The following ZNF326 variants were observed in gnomAD, a reference collection of about 807,000 sequenced individuals.
The protein encoded by ZNF326 is DBIRD complex subunit ZNF326.
A neutral mutation model predicts 63.1 loss-of-function variants in ZNF326; 30 were observed. That is an observed-to-expected ratio of 0.48 (90% CI 0.36 to 0.64). ZNF326 has a LOEUF of 0.64. ZNF326 is among the 30% of genes least tolerant of loss of function. The pLI is 0.00. For missense variants in ZNF326, 609 were observed against 720.3 expected (o/e 0.85, Z 1.77); for synonymous variants, 194 against 228.2 (o/e 0.85, Z 1.35).
At chr1:90,016,592 C>T (rs542369311) in intron 7 of ZNF326, among the ~76,000 whole-genome samples, 49 of 151,890 alleles carry the variant, frequency 3.2e-4, no homozygotes, top group Non-Finnish European at 6.2e-4. Context: ...TGGCGCATGC[C>T]TGTAGTCCCA....
chr1:90,006,550 G>T (rs41288395), intron 4 of ZNF326: 102 of 864,466 alleles, frequency 1.2e-4, no homozygotes, highest in Non-Finnish European at 1.4e-4. Flanking sequence ...CCTTTTTTAG[G>T]GTAGTTTTAT....
chr1:90,010,870 C>A (rs111678763), intron 6 of ZNF326, among the ~76,000 whole-genome samples: 1 of 152,004 alleles, frequency 6.6e-6, no homozygotes, highest in Non-Finnish European at 1.5e-5. Context: ...TCTCATCAGG[C>A]CTTATTGTTT....
chr1:90,016,801 G>A (rs2101079657), intron 7 of ZNF326, among the ~76,000 whole-genome samples: 1 of 152,214 alleles, frequency 6.6e-6, no homozygotes, highest in East Asian at 1.9e-4. Context: ...GCTTACAGAT[G>A]TATGCATTTG....
intron 6 of ZNF326, among the ~76,000 whole-genome samples, chr1:90,010,545 A>G (rs1011661618): frequency 8.5e-5 from 13 of 152,072 alleles, no homozygotes; most frequent in African/African-American, 9.7e-5. Flanking sequence ...AGCTGAGAAA[A>G]CAGGCACAGA....
rs1340312083 is a variant in ZNF326, at chr1:90,027,537, A to T, written c.1585A>T (p.Ile529Leu). ...AGTAGAGGAAGTGAGAGAAGGAGGA[A>T]TAGAGGGCGAGGGAAATATACAGGG... ...EEVEEVREGG[I>L]EGEGNIQGVG... The change falls in exon 12 of 12, where the codon ATA (isoleucine) becomes TTA (leucine). Residue 529 changes from isoleucine to leucine, a missense_variant. Transcript: ENST00000340281. 6.8e-6 allele frequency: 11 copies of T among 1,608,282 alleles called. No individual in the cohort carries two copies. Among genetic ancestry groups the T allele is most frequent in the Non-Finnish European group, 9.3e-6 (11 of 1,176,936 alleles).
chr1:90,013,409 A>G (rs1002416769), intron 7 of ZNF326, among the ~76,000 whole-genome samples, 172 bp downstream of exon 7: 4 of 152,242 alleles, frequency 2.6e-5, no homozygotes, highest in South Asian at 2.1e-4. Flanking sequence ...CTACTTAGAA[A>G]ACATAAGAAA....
At chr1:90,005,432 T>C (rs1201817546) in intron 4 of ZNF326, 188 bp downstream of exon 4, 10 of 1,319,180 alleles carry the variant, frequency 7.6e-6, no homozygotes, top group Non-Finnish European at 8.7e-6. Flanking sequence ...GCAGACGTTA[T>C]TTTAGGAAAA....
intron 11 of ZNF326, among the ~76,000 whole-genome samples, chr1:90,025,762 G>A (rs1469601946): frequency 6.6e-6 from 1 of 152,102 alleles, no homozygotes; most frequent in African/African-American, 2.4e-5. Context: ...CATATTAAAT[G>A]TATGAAAATA....
At position 90,020,891 on chromosome 1, in the gene ZNF326, T is replaced by TA; in HGVS notation, c.1278dup (p.Ser427IlefsTer3). On this transcript the variant is annotated frameshift_variant, in exon 10 of 12. Coordinates refer to ENST00000340281, the MANE Select transcript of ZNF326 (RefSeq NM_182976.4). LOFTEE classifies it high-confidence loss of function. ...TTACATAGTTCAGTTCAGCAGCACT[T>TA]AAAATCTCCTGATCATATCAAAGGG... 1 of 1,613,230 alleles carries TA rather than the reference T, an allele frequency of 6.2e-7. No homozygotes were observed. The highest frequency in any genetic ancestry group is 8.5e-7 in the Non-Finnish European group (1 of 1,179,402).
Position 90,010,257 on chromosome 1 carries a change from T to C in ZNF326, c.785T>C (p.Met262Thr), listed in dbSNP as rs745672410. ...FIKKPKLAKP[M>T]EKISLSKSPT... ...AAGAAACCCAAACTAGCAAAACCTATGGAGAAGATAAGCCTCAGCAAATCA... is the reference window on the plus strand; with the variant it reads ...AAGAAACCCAAACTAGCAAAACCTACGGAGAAGATAAGCCTCAGCAAATCA... Residue 262 changes from methionine to threonine, a missense_variant, in exon 6 of 12, where the codon ATG (methionine) becomes ACG (threonine). Physicochemically the swap from Met to Thr is moderately conservative, Grantham distance 81. Coordinates refer to ENST00000340281, the MANE Select transcript of ZNF326 (RefSeq NM_182976.4). The C allele has an allele frequency of 9.3e-6, 15 of 1,613,824 alleles. No homozygotes were observed. The highest frequency in any genetic ancestry group is 1.3e-5 in the African/African-American group (1 of 75,036).
In ZNF326 at chr1:90,027,667, C is replaced by T. The variant is rs1055082008; in HGVS notation, c.1715C>T (p.Ala572Val). ...GAAGAGACAGCAAAGGAAGAACCTG[C>T]TGACTTCCCTGTTGAGCAACCTGAA... Reference protein sequence around the residue: ...LEEETAKEEPADFPVEQPEEN With the variant: ...LEEETAKEEPVDFPVEQPEEN Residue 572 changes from alanine (A) to valine (V), a missense_variant, in exon 12 of 12, where the codon GCT becomes GTT. Physicochemically the swap from Ala to Val is moderately conservative, Grantham distance 64. Around this residue, in one of 3 missense-constraint regions of ZNF326, gnomAD observed 399 missense variants for 444.3 expected, o/e 0.90. Coordinates refer to ENST00000340281, the MANE Select transcript of ZNF326 (RefSeq NM_182976.4). 3 of 1,613,838 alleles carry T rather than the reference C, an allele frequency of 1.9e-6. No homozygotes were observed. Among genetic ancestry groups the T allele is most frequent in the African/African-American group, 2.7e-5 (2 of 74,866 alleles).
intron 2 of ZNF326, among the ~76,000 whole-genome samples, chr1:90,004,797 G>A (rs1273748356): frequency 6.1e-5 from 1 of 16,458 alleles, no homozygotes; most frequent in African/African-American, 1.4e-4. Flanking sequence ...AAATATCAGG[G>A]CTTTTTTTTT....
At chr1:89,996,216 G>T (rs1444054865) in intron 1 of ZNF326, among the ~76,000 whole-genome samples, 1 of 152,178 alleles carries the variant, frequency 6.6e-6, no homozygotes, top group African/African-American at 2.4e-5. Context: ...AGGGAGACAT[G>T]GGAAAGGACT....
rs1008667425 is a variant in ZNF326 at position 89,995,185 on chromosome 1, C to A, written c.-73C>A. ...CGCGCGGAGTGATCGTGTGGAATCGCGGGTCGCGGACGCTCGCCGCCGGCC... is the reference window on the plus strand; with the variant it reads ...CGCGCGGAGTGATCGTGTGGAATCGAGGGTCGCGGACGCTCGCCGCCGGCC... On this transcript the variant is annotated 5_prime_UTR_variant, in exon 1 of 12. Transcript: ENST00000340281. The A allele has an allele frequency of 1.3e-6, 2 of 1,502,966 alleles. No homozygotes were observed. The highest frequency in any genetic ancestry group is 5.3e-5 in the East Asian group (2 of 37,394). The allele number at this position is 1,502,966 out of a possible 1,614,324, so 93.1% of individuals were successfully genotyped here.
Position 90,034,625 on chromosome 1 carries a change from T to C in ZNF326, c.*6924T>C, listed in dbSNP as rs557046310. 6.6e-6 allele frequency: 1 copy of C among 152,230 alleles called. No homozygotes were observed. Among genetic ancestry groups the C allele is most frequent in the Admixed American group, 6.5e-5 (1 of 15,292 alleles). 9.4% of individuals were successfully genotyped at this position (152,230 alleles called of 1,614,324 possible). ...AAATTAGCAAGTGGATAGCAATAAA[T>C]CAATTTTTAAAAATCAGACAAAAGA... On this transcript the variant is annotated 3_prime_UTR_variant, in exon 12 of 12. Transcript: ENST00000340281.
At position 89,995,171 on chromosome 1, in the gene ZNF326, A is replaced by C; in HGVS notation, c.-87A>C. ...GCGCCGCTCTCGGTCGCGCGGAGTG[A>C]TCGTGTGGAATCGCGGGTCGCGGAC... On this transcript the variant is annotated 5_prime_UTR_variant, in exon 1 of 12. Coordinates refer to ENST00000340281, the MANE Select transcript of ZNF326 (RefSeq NM_182976.4). 1 of 1,464,774 alleles carries C rather than the reference A, an allele frequency of 6.8e-7. No individual in the cohort carries two copies. The highest frequency in any genetic ancestry group is 9.2e-7 in the Non-Finnish European group (1 of 1,091,752). The allele number at this position is 1,464,774 out of a possible 1,614,324, so 90.7% of individuals were successfully genotyped here.
rs1239371933 is a variant in ZNF326 at position 90,027,234 on chromosome 1, T to C, written c.1402-120T>C. On this transcript the variant is annotated intron_variant, in intron 11 of 11. Coordinates refer to ENST00000340281, the MANE Select transcript of ZNF326 (RefSeq NM_182976.4). ...AAATACTTAATGAATTTGTTATAAT[T>C]TACAATGAAAAGTTTCAAAATGGCA... The C allele has an allele frequency of 2.8e-5, 25 of 902,928 alleles. No individual in the cohort carries two copies. In the Admixed American group the frequency reaches 4.7e-4, roughly 17 times the overall value. 55.9% of individuals were successfully genotyped at this position (902,928 alleles called of 1,614,324 possible). A position where few individuals can be genotyped will look rare whatever the true frequency, so the allele number is the denominator to read the frequency against.
At chr1:90,005,819 CA>C in intron 4 of ZNF326, 1 of 985,344 alleles carries the variant, frequency 1.0e-6, no homozygotes. Context: ...CTACTTACAC[CA>C]AAGCACTTGT....
rs1557511287 is a variant in ZNF326, at chr1:89,995,128, GGCTCCCGGGCTGGTAGCGCGCC to G, written c.-125_-104del. ...CCTCCCCAGCCTCGCTGTGGCCTGC[GGCTCCCGGGCTGGTAGCGCGCC>G]GCTCTCGGTCGCGCGGAGTGATCGT... On this transcript the variant is annotated 5_prime_UTR_variant, in exon 1 of 12. Transcript: ENST00000340281. 8.5e-7 allele frequency: 1 copy of G among 1,172,410 alleles called. No individual in the cohort carries two copies. The highest frequency in any genetic ancestry group is 1.2e-6 in the Non-Finnish European group (1 of 844,844). The allele number at this position is 1,172,410 out of a possible 1,614,324, so 72.6% of individuals were successfully genotyped here.
Sources: allele counts gnomAD v4.1 joint callset (sites outside exome capture counted in the v4.1 genomes callset), GRCh38; gene constraint gnomAD v4.1.1; regional missense constraint gnomAD v4.1.1; transcripts MANE v1.5; gene names NCBI Gene and HGNC (gene_info 2026-07-23, HGNC 2026-07-21).